ADAMTSL1: variants seen among roughly 807,000 people sequenced by gnomAD.
ADAMTSL1 encodes ADAMTS like 1, also known as ADAMTS-like protein 1.
In ADAMTSL1, 126 loss-of-function variants were observed where a neutral mutation model predicts 201.8. The ratio of observed to expected loss-of-function variants is 0.62; its 90% CI spans 0.54 to 0.72. The LOEUF (loss-of-function observed/expected upper bound fraction) is 0.72, where lower values mean the gene tolerates loss of function less well. Among genes scored for constraint, ADAMTSL1 ranks in the 30% least tolerant of loss-of-function variants. The pLI is 0.00. For synonymous variants in ADAMTSL1, 1,121 were observed against 903.4 expected (o/e 1.24, Z -4.32); for missense variants, 2,679 against 2,277.8 (o/e 1.18, Z -3.59).
intron 4 of ADAMTSL1, among the ~76,000 whole-genome samples, chr9:18,588,352 C>T (rs1218834530): frequency 6.6e-6 from 1 of 151,968 alleles, no homozygotes; most frequent in Non-Finnish European, 1.5e-5. Flanking sequence ...TCCTTATATA[C>T]TCTGGTTATT....
rs73421026 is a variant in ADAMTSL1, at chr9:18,504,773, C to T, written c.64-56C>T. The T allele has an allele frequency of 1.2e-3, 1,907 of 1,613,624 alleles. 14 individuals carry two copies. In the African/African-American group the frequency reaches 0.023, roughly 19 times the overall value. ...TACAGGCCAGTCACATTTTAGAACACATGTTTCAGGGTTCCATGGGGGATA... is the reference window on the plus strand; with the variant it reads ...TACAGGCCAGTCACATTTTAGAACATATGTTTCAGGGTTCCATGGGGGATA... On this transcript the variant is annotated intron_variant, in intron 1 of 28. Transcript: ENST00000380548.
chr9:18,521,213 G>A (rs980959906), intron 2 of ADAMTSL1, among the ~76,000 whole-genome samples: 1 of 152,102 alleles, frequency 6.6e-6, no homozygotes, highest in Non-Finnish European at 1.5e-5. Context: ...AACATTGTAA[G>A]CAAATTTCTT....
At chr9:18,105,513 T>C (rs1031595354) in intron 1 of ADAMTSL1, among the ~76,000 whole-genome samples, 1 of 152,184 alleles carries the variant, frequency 6.6e-6, no homozygotes, top group African/African-American at 2.4e-5. Context: ...TTTTATAAGA[T>C]ACCATCTTCT....
At chr9:18,164,833 T>C (rs779062480) in intron 2 of ADAMTSL1, among the ~76,000 whole-genome samples, 24 of 151,930 alleles carry the variant, frequency 1.6e-4, no homozygotes, top group African/African-American at 5.8e-4. Flanking sequence ...GTGTATCTTT[T>C]GCATATTGTG....
chr9:18,335,806 C>G (rs1001801059), intron 2 of ADAMTSL1, among the ~76,000 whole-genome samples: 1 of 152,008 alleles, frequency 6.6e-6, no homozygotes, highest in Non-Finnish European at 1.5e-5. Context: ...CTTTTATTAC[C>G]TTTAAACTTT....
intron 2 of ADAMTSL1, among the ~76,000 whole-genome samples, chr9:18,172,043 C>T (rs1827919461): frequency 6.8e-6 from 1 of 147,106 alleles, no homozygotes; most frequent in African/African-American, 2.5e-5. Context: ...AAACCAAAGA[C>T]AGCATGTTCT....
chr9:18,840,292 A>G (rs1024078464), intron 23 of ADAMTSL1, among the ~76,000 whole-genome samples: 2 of 152,074 alleles, frequency 1.3e-5, no homozygotes, highest in Non-Finnish European at 2.9e-5. Context: ...TTAAATAGGG[A>G]ATCCTTTCCC....
chr9:18,876,331 C>T (rs7869332), intron 23 of ADAMTSL1, among the ~76,000 whole-genome samples: 74,466 of 133,060 alleles, frequency 0.56, 19,187 homozygotes, highest in African/African-American at 0.67. Flanking sequence ...TGTGTGTGTG[C>T]GTGATTGTTT....
chr9:18,254,871 A>G (rs919307967), intron 2 of ADAMTSL1, among the ~76,000 whole-genome samples: 2 of 152,150 alleles, frequency 1.3e-5, no homozygotes, highest in African/African-American at 2.4e-5. Context: ...ATAAGGAGCT[A>G]AATTTATGAC....
intron 7 of ADAMTSL1, among the ~76,000 whole-genome samples, chr9:18,650,258 G>C (rs879517317): frequency 6.6e-6 from 1 of 152,322 alleles, no homozygotes; most frequent in Non-Finnish European, 1.5e-5. Flanking sequence ...TGCAGTGTTT[G>C]GGTGGGAGTG....
Position 18,777,443 on chromosome 9 carries a change from G to A in ADAMTSL1, c.3214G>A (p.Val1072Met), listed in dbSNP as rs534570669. The A allele has an allele frequency of 1.9e-6, 3 of 1,598,552 alleles. No homozygotes were observed. The highest frequency in any genetic ancestry group is 1.3e-5 in the African/African-American group (1 of 74,740). The change falls in exon 19 of 29, where the codon GTG (valine) becomes ATG (methionine). Residue 1072 changes from valine (V) to methionine (M), a missense_variant. Physicochemically the swap from Val to Met is conservative, Grantham distance 21. Coordinates refer to ENST00000380548, the MANE Select transcript of ADAMTSL1 (RefSeq NM_001040272.6). ...GCTCCTGCACCTGCCCTTCACCATG[G>A]TGACCGAGCAGCGGCGCCTGGACGA... is the stretch of plus-strand genomic sequence containing the variant. ...QVLLHLPFTMVTEQRRLDDIL... is the reference protein window; with the variant it reads ...QVLLHLPFTMMTEQRRLDDIL...
intron 5 of ADAMTSL1, among the ~76,000 whole-genome samples, chr9:18,626,012 A>C (rs764084972): frequency 8.5e-5 from 13 of 152,242 alleles, no homozygotes; most frequent in Non-Finnish European, 1.9e-4. Flanking sequence ...AATAAAACAC[A>C]GGCCTCTATG....
chr9:18,892,279 G>T (rs1829327057), intron 25 of ADAMTSL1, 110 bp from the exon 26 acceptor site: 20 of 1,052,974 alleles, frequency 1.9e-5, no homozygotes, highest in Non-Finnish European at 2.7e-5. Flanking sequence ...CTGTAAAAAG[G>T]GCCTTGGCCC....
intron 2 of ADAMTSL1, among the ~76,000 whole-genome samples, chr9:18,468,107 T>A (rs1821074471): frequency 6.6e-6 from 1 of 152,210 alleles, no homozygotes. Flanking sequence ...AAAGACAGTT[T>A]ATTTGTTGCC....
At chr9:18,399,299 A>ATG in intron 2 of ADAMTSL1, among the ~76,000 whole-genome samples, 4 of 102,264 alleles carry the variant, frequency 3.9e-5, no homozygotes, top group Non-Finnish European at 6.0e-5. Context: ...ATATATATAT[A>ATG]TATATATATA....
chr9:18,293,271 A>G (rs1004617244), intron 2 of ADAMTSL1, among the ~76,000 whole-genome samples: 14 of 152,164 alleles, frequency 9.2e-5, no homozygotes, highest in Non-Finnish European at 1.5e-4. Flanking sequence ...TTTCTTTTGG[A>G]TGTTTGTCCC....
At chr9:18,695,912 T>C (rs1831520104) in intron 13 of ADAMTSL1, among the ~76,000 whole-genome samples, 1 of 152,008 alleles carries the variant, frequency 6.6e-6, no homozygotes, top group Non-Finnish European at 1.5e-5. Context: ...TTTCCACAGG[T>C]GGTACAGGAG....
intron 2 of ADAMTSL1, among the ~76,000 whole-genome samples, chr9:18,407,252 G>C (rs1818244566): frequency 6.6e-6 from 1 of 152,178 alleles, no homozygotes; most frequent in African/African-American, 2.4e-5. Flanking sequence ...ATTGAAGGAG[G>C]AGGAAAATTT....
intron 1 of ADAMTSL1, among the ~76,000 whole-genome samples, chr9:18,074,549 C>A (rs1370358081): frequency 3.0e-5 from 3 of 100,608 alleles, no homozygotes; most frequent in African/African-American, 4.1e-5. Flanking sequence ...CTCTTCTTTT[C>A]TCTTCTCTTT....
Sources: allele counts gnomAD v4.1 joint callset (sites outside exome capture counted in the v4.1 genomes callset), GRCh38; gene constraint gnomAD v4.1.1; transcripts MANE v1.5; gene names NCBI Gene and HGNC (gene_info 2026-07-23, HGNC 2026-07-21).